Variants in EPB41L5 observed in about 807,000 individuals in gnomAD.
The protein encoded by EPB41L5 is band 4.1-like protein 5.
EPB41L5 carries 55 observed loss-of-function variants against 106.6 expected under a neutral mutation model. The ratio of observed to expected loss-of-function variants is 0.52; its 90% CI spans 0.42 to 0.65. The LOEUF is 0.65. Ranked by LOEUF, EPB41L5 falls within the 30% of genes least tolerant of loss-of-function variation. The probability of loss-of-function intolerance (pLI) is 0.00; values close to 1 mark genes in which losing one functional copy is unlikely to be tolerated. For missense variants in EPB41L5, 871 were observed against 882.1 expected (o/e 0.99, Z 0.16); for synonymous variants, 297 against 306.7 (o/e 0.97, Z 0.33).
At chr2:120,092,480 A>T (rs1487547575) in intron 13 of EPB41L5, among the ~76,000 whole-genome samples, 5 of 152,230 alleles carry the variant, frequency 3.3e-5, no homozygotes, top group Admixed American at 2.6e-4. Context: ...AAGATCAGTT[A>T]TATAAGAAAA....
Position 120,073,160 on chromosome 2 carries a change from TTTG to T in EPB41L5, c.286-15_286-13del, listed in dbSNP as rs749817375. On this transcript the variant is annotated splice_polypyrimidine_tract_variant and intron_variant, in intron 3 of 24. Transcript: ENST00000263713. ...GTTCTGTCATCTGCTTAACTAAATT[TTTG>T]TTTTTGTTTTTCAGCATTGGTTGGA... The T allele has an allele frequency of 3.9e-5, 62 of 1,600,572 alleles. No homozygotes were observed. The highest frequency in any genetic ancestry group is 4.7e-5 in the Non-Finnish European group (55 of 1,176,802).
intron 16 of EPB41L5, among the ~76,000 whole-genome samples, chr2:120,110,485 A>G (rs1010892632): frequency 6.6e-6 from 1 of 152,156 alleles, no homozygotes; most frequent in Non-Finnish European, 1.5e-5. Context: ...CCACACTTAC[A>G]TATCCAACTG....
intron 3 of EPB41L5, among the ~76,000 whole-genome samples, chr2:120,065,385 A>G (rs1265696629): frequency 6.6e-6 from 1 of 152,082 alleles, no homozygotes; most frequent in Non-Finnish European, 1.5e-5. Flanking sequence ...CCTCCTGAGT[A>G]GCTATGATTA....
Position 120,143,099 on chromosome 2 carries a change from A to G in EPB41L5, c.1696A>G (p.Ile566Val), listed in dbSNP as rs563356525. Residue 566 changes from isoleucine to valine, a missense_variant, in exon 19 of 25, where the codon ATT becomes GTT. By Grantham distance (29) the Ile-to-Val change is conservative. Coordinates refer to ENST00000263713, the MANE Select transcript of EPB41L5 (RefSeq NM_020909.4). ...AGTTCCTCCTGACTTCAAGAGTAACATTTTGAAGGCTCAAGTAGAAGCAGT... is the reference window on the plus strand; with the variant it reads ...AGTTCCTCCTGACTTCAAGAGTAACGTTTTGAAGGCTCAAGTAGAAGCAGT... The part of the protein sequence containing the change: ...MRVPPDFKSN[I>V]LKAQVEAVHK... 6.2e-7 allele frequency: 1 copy of G among 1,607,528 alleles called. No homozygotes were observed. Among genetic ancestry groups the G allele is most frequent in the South Asian group, 1.1e-5 (1 of 89,922 alleles).
chr2:120,146,291 T>C lies in EPB41L5; in HGVS notation c.1793+2T>C. Reference sequence around the variant, plus strand: ...TGTTCAGGATGCTGCCACAAACAGGTACAGTTCTGGGTAGACTGAATTAAA... The same window carrying C: ...TGTTCAGGATGCTGCCACAAACAGGCACAGTTCTGGGTAGACTGAATTAAA... On this transcript the variant is annotated splice_donor_variant, in intron 20 of 24. Coordinates refer to ENST00000263713, the MANE Select transcript of EPB41L5 (RefSeq NM_020909.4). LOFTEE classifies it high-confidence loss of function. The C allele has an allele frequency of 6.2e-7, 1 of 1,605,080 alleles. No individual in the cohort carries two copies. The highest frequency in any genetic ancestry group is 8.5e-7 in the Non-Finnish European group (1 of 1,172,148).
At position 120,131,724 on chromosome 2, in the gene EPB41L5, A is replaced by G. The variant is rs1685702316; in HGVS notation, c.1599+9A>G. Reference sequence around the variant, plus strand: ...TTAACATAAACAGCCAGGTATTCAGATTTCCCCTGTGTATACCTGTTACAC... The same window carrying G: ...TTAACATAAACAGCCAGGTATTCAGGTTTCCCCTGTGTATACCTGTTACAC... On this transcript the variant is annotated intron_variant, in intron 18 of 24. Transcript: ENST00000263713. 6.2e-7 allele frequency: 1 copy of G among 1,600,282 alleles called. No homozygotes were observed. Among genetic ancestry groups the G allele is most frequent in the African/African-American group, 1.3e-5 (1 of 74,558 alleles).
chr2:120,036,779 T>A (rs144106311), intron 2 of EPB41L5, among the ~76,000 whole-genome samples: 1 of 152,208 alleles, frequency 6.6e-6, no homozygotes, highest in East Asian at 1.9e-4. Flanking sequence ...TCAGTTAAGG[T>A]GAAGGAGAAA....
At chr2:120,061,228 A>ATT (rs558199115) in intron 3 of EPB41L5, among the ~76,000 whole-genome samples, 13 of 111,772 alleles carry the variant, frequency 1.2e-4, no homozygotes, top group Admixed American at 2.7e-4. Flanking sequence ...TTTTTTTTTT[A>ATT]TTTTTTTTTT....
At chr2:120,061,243 G>A (rs1294068977) in intron 3 of EPB41L5, among the ~76,000 whole-genome samples, 1 of 139,622 alleles carries the variant, frequency 7.2e-6, no homozygotes, top group Non-Finnish European at 1.6e-5. Flanking sequence ...TTTTTTTTGA[G>A]ACGGAGTCTC....
At chr2:120,099,433 A>ATT (rs1361424559) in intron 14 of EPB41L5, among the ~76,000 whole-genome samples, 13 of 144,062 alleles carry the variant, frequency 9.0e-5, no homozygotes, top group Non-Finnish European at 1.4e-4. Context: ...TGAACTGAAA[A>ATT]TTTTTTTTTT....
At chr2:120,082,023 G>T (rs1682706407) in intron 10 of EPB41L5, among the ~76,000 whole-genome samples, 1 of 152,182 alleles carries the variant, frequency 6.6e-6, no homozygotes, top group East Asian at 1.9e-4. Context: ...AGATGATGGG[G>T]TTTTCTAAAT....
intron 16 of EPB41L5, chr2:120,108,580 T>C (rs1574687241): frequency 6.6e-6 from 1 of 152,326 alleles, no homozygotes; most frequent in East Asian, 1.9e-4. Context: ...AGATGATTGC[T>C]GGCTTGATTT....
chr2:120,111,916 A>G (rs1684744851), intron 16 of EPB41L5, among the ~76,000 whole-genome samples: 1 of 152,046 alleles, frequency 6.6e-6, no homozygotes, highest in Non-Finnish European at 1.5e-5. Flanking sequence ...ATCTTCTTAT[A>G]CTTGCTCAAA....
At position 120,143,270 on chromosome 2, in the gene EPB41L5, CAG is replaced by C. The variant is rs1298996691; in HGVS notation, c.1728+140_1728+141del. The C allele has an allele frequency of 3.9e-6, 4 of 1,024,420 alleles. No homozygotes were observed. The African/African-American group carries it at 5.1e-5, about 13-fold the overall frequency. 63.5% of individuals were successfully genotyped at this position (1,024,420 alleles called of 1,614,324 possible). On this transcript the variant is annotated intron_variant, in intron 19 of 24. Coordinates refer to ENST00000263713, the MANE Select transcript of EPB41L5 (RefSeq NM_020909.4). ...GTTAAAAAATAAGAGTAAAGATGCT[CAG>C]GGGGATACGAAGGCTAAAAAAGCCA...
intron 16 of EPB41L5, among the ~76,000 whole-genome samples, chr2:120,107,178 C>T (rs1684502130): frequency 6.6e-6 from 1 of 151,874 alleles, no homozygotes; most frequent in Non-Finnish European, 1.5e-5. Context: ...GTGGTTGTCC[C>T]CTATTAGTTC....
chr2:120,086,419 C>T (rs1386805097), intron 10 of EPB41L5, among the ~76,000 whole-genome samples: 4 of 152,010 alleles, frequency 2.6e-5, no homozygotes, highest in Non-Finnish European at 2.9e-5. Context: ...GGCCATAAAG[C>T]GAGGTTAAAA....
At chr2:120,080,230 G>T (rs1329336262) in intron 10 of EPB41L5, among the ~76,000 whole-genome samples, 1 of 151,792 alleles carries the variant, frequency 6.6e-6, no homozygotes, top group Non-Finnish European at 1.5e-5. Flanking sequence ...TTTACATTAG[G>T]TATATCTCCT....
At chr2:120,057,061 T>G (rs1245620723) in intron 3 of EPB41L5, among the ~76,000 whole-genome samples, 3 of 152,072 alleles carry the variant, frequency 2.0e-5, no homozygotes, top group Non-Finnish European at 4.4e-5. Context: ...GCCTGGCTAA[T>G]TCTTTATTTT....
At chr2:120,133,458 A>T (rs1685791402) in intron 18 of EPB41L5, among the ~76,000 whole-genome samples, 1 of 152,070 alleles carries the variant, frequency 6.6e-6, no homozygotes, top group African/African-American at 2.4e-5. Flanking sequence ...GAGCACAGTG[A>T]CTATGGCACT....
Sources: gnomAD v4.1 joint callset for allele counts (sites outside exome capture counted in the v4.1 genomes callset) on GRCh38, gnomAD v4.1.1 for gene constraint, MANE v1.5 for transcripts, NCBI Gene and HGNC (gene_info 2026-07-23, HGNC 2026-07-21) for gene names.